FGFR2: variants seen among roughly 807,000 people sequenced by gnomAD.
FGFR2 encodes the protein fibroblast growth factor receptor 2, also known as BEK fibroblast growth factor receptor.
In FGFR2, 19 loss-of-function variants were observed where a neutral mutation model predicts 95.9. That is an observed-to-expected ratio of 0.20 (90% CI 0.14 to 0.29). FGFR2 has a LOEUF of 0.29. Ranked by LOEUF, FGFR2 falls within the 10% of genes least tolerant of loss-of-function variation. The pLI, the probability that FGFR2 is intolerant of heterozygous loss-of-function variation, is 1.00. For missense variants in FGFR2, 707 were observed against 1,056.9 expected (o/e 0.67, Z 4.59); for synonymous variants, 392 against 393.3 (o/e 1.00, Z 0.04).
At chr10:121,486,885 G>T (rs990580140) in intron 15 of FGFR2, among the ~76,000 whole-genome samples, 1 of 152,162 alleles carries the variant, frequency 6.6e-6, no homozygotes, top group African/African-American at 2.4e-5. Context: ...TTTGTTGAGG[G>T]ATAAACATAG....
intron 17 of FGFR2, among the ~76,000 whole-genome samples, chr10:121,482,655 G>C (rs905767633): frequency 6.6e-6 from 1 of 152,080 alleles, no homozygotes; most frequent in African/African-American, 2.4e-5. Context: ...GACTTGATGG[G>C]TTTATCATCT....
chr10:121,541,241 T>G (rs1228272907), intron 5 of FGFR2, among the ~76,000 whole-genome samples: 3 of 152,262 alleles, frequency 2.0e-5, no homozygotes, highest in African/African-American at 7.2e-5. Flanking sequence ...AATATTTATT[T>G]TCTTACACCA....
At chr10:121,532,350 C>T (rs1852200727) in intron 6 of FGFR2, among the ~76,000 whole-genome samples, 1 of 152,190 alleles carries the variant, frequency 6.6e-6, no homozygotes, top group Non-Finnish European at 1.5e-5. Context: ...GCCACCACAG[C>T]CACTCCTTAT....
intron 6 of FGFR2, among the ~76,000 whole-genome samples, chr10:121,532,006 T>C (rs1852142588): frequency 6.6e-6 from 1 of 152,150 alleles, no homozygotes; most frequent in South Asian, 2.1e-4. Context: ...CAATCCCTTC[T>C]CAACAGAGGG....
At chr10:121,559,111 GAAAAAAAAA>G (rs904279035) in intron 4 of FGFR2, among the ~76,000 whole-genome samples, 1 of 55,232 alleles carries the variant, frequency 1.8e-5, no homozygotes, top group Non-Finnish European at 4.0e-5. Flanking sequence ...TCCAAAAGGA[GAAAAAAAAA>G]AAAAAAAAAA....
At chr10:121,530,215 G>C (rs1589875010) in intron 6 of FGFR2, 2 of 152,372 alleles carry the variant, frequency 1.3e-5, no homozygotes, top group East Asian at 3.9e-4. Context: ...CAAGCATGAA[G>C]ACCATGAATA....
chr10:121,500,076 G>A (rs892263522), intron 11 of FGFR2, among the ~76,000 whole-genome samples: 25 of 152,138 alleles, frequency 1.6e-4, no homozygotes, highest in African/African-American at 5.8e-4. Context: ...TCTTCTTTCC[G>A]AGATCCCTAC....
chr10:121,574,422 G>A (rs1859361562), intron 2 of FGFR2, among the ~76,000 whole-genome samples: 3 of 152,194 alleles, frequency 2.0e-5, no homozygotes, highest in South Asian at 2.1e-4. Flanking sequence ...CCAGCTACAC[G>A]GGAAGCTGAG....
At chr10:121,538,147 T>C in intron 6 of FGFR2, 1 of 588,236 alleles carries the variant, frequency 1.7e-6, no homozygotes, top group Non-Finnish European at 3.0e-6. Context: ...ATTCACCTTT[T>C]TCCAGCCAGC....
At chr10:121,574,820 C>T (rs773874408) in intron 2 of FGFR2, among the ~76,000 whole-genome samples, 6 of 152,228 alleles carry the variant, frequency 3.9e-5, no homozygotes, top group African/African-American at 1.4e-4. Context: ...GGTGAAAGTT[C>T]TCTACCTCGA....
chr10:121,486,918 C>CCAGCCTCCA (rs1329189724), intron 15 of FGFR2, among the ~76,000 whole-genome samples: 2 of 152,126 alleles, frequency 1.3e-5, no homozygotes, highest in African/African-American at 4.8e-5. Flanking sequence ...GTGGAGGTCC[C>CCAGCCTCCA]CAGCCTGGAC....
intron 4 of FGFR2, among the ~76,000 whole-genome samples, chr10:121,556,204 G>T (rs777715580): frequency 6.6e-6 from 1 of 152,122 alleles, no homozygotes. Flanking sequence ...ACTGATTAAG[G>T]TCCCCGCCAG....
intron 2 of FGFR2, among the ~76,000 whole-genome samples, chr10:121,567,559 A>T (rs1857870622): frequency 6.6e-6 from 1 of 152,206 alleles, no homozygotes; most frequent in African/African-American, 2.4e-5. Flanking sequence ...AGCGTCCATT[A>T]TGGTGGGGGT....
At chr10:121,486,438 A>T (rs1369241499) in intron 15 of FGFR2, among the ~76,000 whole-genome samples, 2 of 152,076 alleles carry the variant, frequency 1.3e-5, no homozygotes, top group African/African-American at 2.4e-5. Context: ...AATAAAAAAT[A>T]GTTCAAGTGA....
intron 9 of FGFR2, among the ~76,000 whole-genome samples, chr10:121,508,861 T>C (rs998378553): frequency 4.6e-5 from 7 of 152,274 alleles, no homozygotes; most frequent in Non-Finnish European, 1.0e-4. Flanking sequence ...GCATTTTTAC[T>C]ATGCTTTTAA....
intron 2 of FGFR2, among the ~76,000 whole-genome samples, chr10:121,577,185 A>AGAGAGAGAGAGAGAGAGAGAGAGAGG (rs1554859068): frequency 3.4e-4 from 39 of 114,828 alleles, no homozygotes; most frequent in African/African-American, 1.2e-3. Flanking sequence ...ATATAGAGAG[A>AGAGAGAGAGAGAGAGAGAGAGAGAGG]GAGAGAGAGA....
At chr10:121,515,017 A>G in intron 9 of FGFR2, 100 bp downstream of exon 9, 1 of 1,109,942 alleles carries the variant, frequency 9.0e-7, no homozygotes, top group Admixed American at 1.8e-5. Flanking sequence ...CGCACATGGA[A>G]GCTCACAGAA....
intron 1 of FGFR2, among the ~76,000 whole-genome samples, chr10:121,595,551 TC>T (rs1278106695): frequency 6.6e-6 from 1 of 152,258 alleles, no homozygotes; most frequent in Non-Finnish European, 1.5e-5. Flanking sequence ...GAAAGATTTT[TC>T]CTCTTAACTT....
chr10:121,501,374 T>C (rs1313499279), intron 10 of FGFR2, among the ~76,000 whole-genome samples: 1 of 152,202 alleles, frequency 6.6e-6, no homozygotes, highest in Non-Finnish European at 1.5e-5. Flanking sequence ...TACCAATGGA[T>C]TTTATGGTCA....
Sources: gnomAD v4.1 joint callset for allele counts (sites outside exome capture counted in the v4.1 genomes callset) on GRCh38, gnomAD v4.1.1 for gene constraint, MANE v1.5 for transcripts, NCBI Gene and HGNC (gene_info 2026-07-23, HGNC 2026-07-21) for gene names.